The following ZBTB20 variants were observed in gnomAD, a reference collection of about 807,000 sequenced individuals.
ZBTB20 encodes zinc finger and BTB domain-containing protein 20.
In ZBTB20, 9 loss-of-function variants were observed where a neutral mutation model predicts 56.9. The observed-to-expected ratio is 0.16, with a 90% confidence interval of 0.10 to 0.28. The LOEUF is 0.28. Ranked by LOEUF, ZBTB20 falls within the 10% of genes least tolerant of loss-of-function variation. The pLI is 1.00. For synonymous variants in ZBTB20, 417 were observed against 420.7 expected (o/e 0.99, Z 0.11); for missense variants, 655 against 1,003.0 (o/e 0.65, Z 4.69).
chr3:114,551,887 A>G (rs1447829832), intron 6 of ZBTB20, among the ~76,000 whole-genome samples: 1 of 152,150 alleles, frequency 6.6e-6, no homozygotes, highest in Non-Finnish European at 1.5e-5. Context: ...TATTAAGAAC[A>G]CTTTTATTTC....
intron 4 of ZBTB20, among the ~76,000 whole-genome samples, chr3:114,839,463 G>GAAAGA (rs1553842174): frequency 1.3e-5 from 2 of 149,138 alleles, no homozygotes; most frequent in Non-Finnish European, 3.0e-5. Flanking sequence ...AAGAAAGAAA[G>GAAAGA]AAAGAGAGAG....
Position 114,968,349 on chromosome 3 carries a change from C to T in ZBTB20, c.-456+6017G>A, listed in dbSNP as rs117967349. 5.5e-4 allele frequency among the ~76,000 whole-genome samples: 84 copies of T among 152,186 alleles called. 2 individuals are homozygous for T. In the East Asian group the frequency reaches 0.015, roughly 27 times the overall value. On this transcript the variant is annotated intron_variant, in intron 3 of 11. Coordinates refer to ENST00000675478, the MANE Select transcript of ZBTB20 (RefSeq NM_001348800.3). ...GAGAGGTCATACCTCAAATTATAAC[C>T]TTAAAAAACTGATTATTTGTGAGTA...
chr3:115,074,044 T>C (rs1014727927), intron 1 of ZBTB20, among the ~76,000 whole-genome samples: 2 of 152,180 alleles, frequency 1.3e-5, no homozygotes, highest in African/African-American at 4.8e-5. Flanking sequence ...CACTAGATCC[T>C]GTCAATTCTT....
intron 6 of ZBTB20, among the ~76,000 whole-genome samples, chr3:114,562,562 C>T (rs551665156): frequency 6.6e-6 from 1 of 152,296 alleles, no homozygotes; most frequent in African/African-American, 2.4e-5. Context: ...CTTTTAATTT[C>T]CTTAAAGAAC....
At chr3:115,048,003 G>C (rs764650693) in intron 2 of ZBTB20, among the ~76,000 whole-genome samples, 1 of 151,900 alleles carries the variant, frequency 6.6e-6, no homozygotes, top group African/African-American at 2.4e-5. Flanking sequence ...GGCAGAACAC[G>C]AGGTCAGGAG....
chr3:114,380,261 G>A lies in ZBTB20; in HGVS notation c.155C>T (p.Thr52Ile), dbSNP rs573978447. ...AGCGTGAGAGTTTGTCAGTGAATGT[G>A]TTGAGTGGATGAGGGCTGGGTCTGG... ...LSPDPALIHS[T>I]HSLTNSHAHT... The change falls in exon 10 of 12, where the codon ACA becomes ATA. Residue 52 changes from threonine to isoleucine, a missense_variant. Physicochemically the swap from Thr to Ile is moderately conservative, Grantham distance 89. Coordinates refer to ENST00000675478, the MANE Select transcript of ZBTB20 (RefSeq NM_001348800.3). The A allele has an allele frequency of 6.5e-7, 1 of 1,537,014 alleles. No homozygotes were observed. The highest frequency in any genetic ancestry group is 2.0e-5 in the Admixed American group (1 of 50,982).
chr3:114,630,900 G>C (rs904729477), intron 6 of ZBTB20, among the ~76,000 whole-genome samples: 2 of 152,156 alleles, frequency 1.3e-5, no homozygotes, highest in Admixed American at 6.5e-5. Context: ...ACTCACATTA[G>C]AGATTATAAT....
At chr3:114,569,191 G>A (rs993281050) in intron 6 of ZBTB20, among the ~76,000 whole-genome samples, 2 of 152,118 alleles carry the variant, frequency 1.3e-5, no homozygotes, top group African/African-American at 4.8e-5. Flanking sequence ...TCTTTATTGT[G>A]GTCTTTTAGG....
chr3:114,641,978 T>C lies in ZBTB20; in HGVS notation c.-295+51550A>G, dbSNP rs116391743. 7.5e-3 allele frequency among the ~76,000 whole-genome samples: 1,140 copies of C among 152,188 alleles called. 11 individuals carry two copies. The highest frequency in any genetic ancestry group is 0.026 in the African/African-American group (1,067 of 41,562). On this transcript the variant is annotated intron_variant, in intron 6 of 11. Transcript: ENST00000675478. ...CAGGTAGAAAGGGCTAATCCTGTTATGCATGCCATTTTTGTTTGTTTAAAT... is the reference window on the plus strand; with the variant it reads ...CAGGTAGAAAGGGCTAATCCTGTTACGCATGCCATTTTTGTTTGTTTAAAT...
intron 6 of ZBTB20, among the ~76,000 whole-genome samples, chr3:114,580,401 A>C (rs2054528626): frequency 6.6e-6 from 1 of 151,760 alleles, no homozygotes; most frequent in Non-Finnish European, 1.5e-5. Context: ...TCCCAAGCAA[A>C]TGTTATGTTT....
chr3:114,508,660 C>T (rs1374883797), intron 6 of ZBTB20, among the ~76,000 whole-genome samples: 1 of 151,980 alleles, frequency 6.6e-6, no homozygotes, highest in Non-Finnish European at 1.5e-5. Context: ...AAAACAAAAA[C>T]AAAATCTGCA....
chr3:115,075,210 T>C (rs957501110), intron 1 of ZBTB20, among the ~76,000 whole-genome samples: 19 of 152,180 alleles, frequency 1.2e-4, no homozygotes, highest in African/African-American at 2.4e-4. Context: ...TACAATGCTA[T>C]ACAGAAGATC....
chr3:114,692,289 G>A (rs1014473461), intron 6 of ZBTB20, among the ~76,000 whole-genome samples: 1 of 152,066 alleles, frequency 6.6e-6, no homozygotes, highest in Non-Finnish European at 1.5e-5. Context: ...TGGGAGTGGG[G>A]AGGGAGGCGG....
intron 3 of ZBTB20, among the ~76,000 whole-genome samples, chr3:114,959,753 T>A (rs866221009): frequency 3.1e-4 from 35 of 113,676 alleles, no homozygotes; most frequent in South Asian, 5.6e-4. Flanking sequence ...ACACACACAC[T>A]TGGAGACTCT....
At chr3:115,136,379 T>A (rs1021443164) in intron 1 of ZBTB20, among the ~76,000 whole-genome samples, 1 of 152,118 alleles carries the variant, frequency 6.6e-6, no homozygotes, top group African/African-American at 2.4e-5. Flanking sequence ...CTGATCAACA[T>A]TGAATTCCTC....
chr3:114,441,703 T>C (rs1328232879), intron 7 of ZBTB20, among the ~76,000 whole-genome samples: 1 of 152,138 alleles, frequency 6.6e-6, no homozygotes, highest in African/African-American at 2.4e-5. Context: ...CTTTGCTCTT[T>C]TATATTCTAG....
In ZBTB20 at chr3:114,950,571, T is replaced by A. The variant is rs1440499303; in HGVS notation, c.-456+23795A>T. On this transcript the variant is annotated intron_variant, in intron 3 of 11. Transcript: ENST00000675478. ...AGTGGGAGGGGCATTACTGTGCTGC[T>A]ACTGATCATGTAAATTGGTATAATA... Among the ~76,000 whole-genome samples, 3 of 152,172 alleles carry A rather than the reference T, an allele frequency of 2.0e-5. No individual in the cohort carries two copies. The East Asian group carries it at 5.8e-4, about 29-fold the overall frequency.
intron 1 of ZBTB20, among the ~76,000 whole-genome samples, chr3:115,085,467 C>T (rs2082951677): frequency 6.6e-6 from 1 of 151,896 alleles, no homozygotes; most frequent in South Asian, 2.1e-4. Context: ...AAGGAAAGGC[C>T]TCTTTTAAGA....
intron 6 of ZBTB20, among the ~76,000 whole-genome samples, chr3:114,546,851 AG>A (rs574754497): frequency 2.4e-3 from 366 of 152,348 alleles, no homozygotes; most frequent in African/African-American, 8.6e-3. Flanking sequence ...GGTTAAAAAA[AG>A]AATTTGGAAG....
Sources: allele counts gnomAD v4.1 joint callset (sites outside exome capture counted in the v4.1 genomes callset), GRCh38; gene constraint gnomAD v4.1.1; transcripts MANE v1.5; gene names NCBI Gene and HGNC (gene_info 2026-07-23, HGNC 2026-07-21).